The following AQP6 variants were observed in gnomAD, a reference collection of about 807,000 sequenced individuals.
The protein encoded by AQP6 is aquaporin-6.
In AQP6, 14 loss-of-function variants were observed where a neutral mutation model predicts 16.3. The ratio of observed to expected loss-of-function variants is 0.86; its 90% confidence interval spans 0.57 to 1.34. The LOEUF (loss-of-function observed/expected upper bound fraction) is 1.34, where lower values mean the gene tolerates loss of function less well. Among genes scored for constraint, AQP6 ranks in the 40% most tolerant of loss-of-function variants. The pLI is 0.00. For synonymous variants in AQP6, 178 were observed against 166.8 expected (o/e 1.07, Z -0.52); for missense variants, 331 against 379.7 (o/e 0.87, Z 1.07).
chr12:49,975,323 G>A lies in AQP6; in HGVS notation c.643-142G>A, dbSNP rs559221979. On this transcript the variant is annotated intron_variant, in intron 3 of 3. Transcript: ENST00000315520. The surrounding 1 kb of genome is among the most constrained non-coding windows in gnomAD (Gnocchi z 4.4). The stretch of plus-strand genomic sequence containing the variant: ...CTTGTGGGCTTGGGAAACACGACTC[G>A]TGGTTCTCAAATTTAGCACCTTACA... 51 of 1,445,034 alleles carry A rather than the reference G, an allele frequency of 3.5e-5. No homozygotes were observed. The highest frequency in any genetic ancestry group is 8.0e-5 in the South Asian group (5 of 62,732). 89.5% of individuals were successfully genotyped at this position (1,445,034 alleles called of 1,614,324 possible).
Position 49,973,168 on chromosome 12 carries a change from C to T in AQP6, c.-6C>T, listed in dbSNP as rs746264201. 1 of 1,594,536 alleles carries T rather than the reference C, an allele frequency of 6.3e-7. No homozygotes were observed. Among genetic ancestry groups the T allele is most frequent in the South Asian group, 1.1e-5 (1 of 87,972 alleles). ...GCAAGGCAAGGAACGGCCAAGGCAC[C>T]AGGACATGGATGCAGTGGAGCCAGG... On this transcript the variant is annotated 5_prime_UTR_variant, in exon 1 of 4. Transcript: ENST00000315520.
At position 49,973,275 on chromosome 12, in the gene AQP6, G is replaced by A. The variant is rs142310884; in HGVS notation, c.102G>A (p.Thr34=). The change falls in exon 1 of 4, where the codon ACG becomes ACA. Residue 34 remains threonine, a synonymous_variant. Transcript: ENST00000315520. ...SRALFAEFLA[T]GLYVFFGVGS... ...CGCTGTTTGCAGAGTTCCTGGCCAC[G>A]GGGCTGTATGTGTTCTTTGGCGTGG... The A allele has an allele frequency of 1.1e-4, 176 of 1,613,870 alleles. 1 individual carries two copies. Among genetic ancestry groups the A allele is most frequent in the East Asian group, 9.1e-4 (41 of 44,884 alleles).
chr12:49,973,076 A>G lies in AQP6; in HGVS notation c.-98A>G, dbSNP rs980714543. On this transcript the variant is annotated 5_prime_UTR_variant, in exon 1 of 4. Transcript: ENST00000315520. ...TCCACAGAGAGCAAAAGCCAGGGTC[A>G]GCCAGAGACAGGACACCAGAAGAGA... The G allele has an allele frequency of 4.4e-5, 64 of 1,448,404 alleles. No homozygotes were observed. In the East Asian group the frequency reaches 1.6e-3, roughly 35 times the overall value. The allele number at this position is 1,448,404 out of a possible 1,614,324, so 89.7% of individuals were successfully genotyped here. A position where few individuals can be genotyped will look rare whatever the true frequency, so the allele number is the denominator to read the frequency against.
At chr12:49,974,942 A>G (rs909200019) in intron 3 of AQP6, 116 bp downstream of exon 3, 1 of 1,476,076 alleles carries the variant, frequency 6.8e-7, no homozygotes, top group African/African-American at 1.4e-5. Context: ...GTCTTGGCTG[A>G]GACTTCCTTT....
rs143785136 is a variant in AQP6 at position 49,974,521 on chromosome 12, G to A, written c.561+39G>A. On this transcript the variant is annotated intron_variant, in intron 2 of 3. Coordinates refer to ENST00000315520, the MANE Select transcript of AQP6 (RefSeq NM_001652.4). The stretch of plus-strand genomic sequence containing the variant: ...GGGACACCGTGCACATGCACACACC[G>A]GGTCCGTCCCCGGGGAAACTGTGGA... 578 of 1,561,982 alleles carry A rather than the reference G, an allele frequency of 3.7e-4. 3 individuals are homozygous for A. The East Asian group carries it at 7.4e-3, about 20-fold the overall frequency.
rs138720998 is a variant in AQP6, at chr12:49,977,036, C to G, written c.*1365C>G. 169 of 702,358 alleles carry G rather than the reference C, an allele frequency of 2.4e-4. No individual in the cohort carries two copies. In the African/African-American group the frequency reaches 2.6e-3, roughly 11 times the overall value. The allele number at this position is 702,358 out of a possible 1,614,324, so 43.5% of individuals were successfully genotyped here. Reference sequence around the variant, plus strand: ...TCGGCTTCTCCAGCTGTAAAATGGACACACAATCCTCCTCCAGGGACTGCT... The same window carrying G: ...TCGGCTTCTCCAGCTGTAAAATGGAGACACAATCCTCCTCCAGGGACTGCT... On this transcript the variant is annotated 3_prime_UTR_variant, in exon 4 of 4. Transcript: ENST00000315520.
At chr12:49,974,725 G>A (rs1947558626) in intron 2 of AQP6, 21 bp from the exon 3 acceptor site, 1 of 1,613,770 alleles carries the variant, frequency 6.2e-7, no homozygotes, top group East Asian at 2.2e-5. Flanking sequence ...CTCCCACCCT[G>A]ACCCTGCACT....
chr12:49,974,864 A>C (rs757563992), intron 3 of AQP6, 38 bp downstream of exon 3: 6 of 1,610,692 alleles, frequency 3.7e-6, no homozygotes, highest in Non-Finnish European at 5.1e-6. Context: ...GAGGGAAGGG[A>C]GCCTGAGTTG....
Position 49,975,458 on chromosome 12 carries a change from T to G in AQP6, c.643-7T>G. 1 of 1,585,092 alleles carries G rather than the reference T, an allele frequency of 6.3e-7. No homozygotes were observed. Among genetic ancestry groups the G allele is most frequent in the Non-Finnish European group, 8.6e-7 (1 of 1,169,508 alleles). ...CCTGGGTGGGGTGACGACATCCTTC[T>G]CCTCAGGTCTTCTGGGTGGGGCCCC... On this transcript the variant is annotated splice_region_variant and splice_polypyrimidine_tract_variant and intron_variant, in intron 3 of 3. Transcript: ENST00000315520. This position sits in a 1 kb window ranked among gnomAD's most constrained non-coding sequence, Gnocchi z 4.4.
In AQP6 at chr12:49,976,824, T is replaced by A; in HGVS notation, c.*1153T>A. 1 of 596,194 alleles carries A rather than the reference T, an allele frequency of 1.7e-6. No individual in the cohort carries two copies. Among genetic ancestry groups the A allele is most frequent in the Non-Finnish European group, 3.0e-6 (1 of 336,982 alleles). 36.9% of individuals were successfully genotyped at this position (596,194 alleles called of 1,614,324 possible). A position where few individuals can be genotyped will look rare whatever the true frequency, so the allele number is the denominator to read the frequency against. ...AAAGAAGCCGTCTCCAGGCTCTCTG[T>A]CAGCATTACAGGATCCCCAGAAAGC... is the stretch of plus-strand genomic sequence containing the variant. On this transcript the variant is annotated 3_prime_UTR_variant, in exon 4 of 4. Transcript: ENST00000315520.
rs768009239 is a variant in AQP6 at position 49,973,551 on chromosome 12, C to T, written c.378C>T (p.Ile126=). ...ALLYGVMPGD[I]RETLGINVVR... ...TTTATGGGGTCATGCCGGGAGACAT[C>T]CGAGAGACCCTTGGGATCAACGTGG... Residue 126 remains isoleucine (I), a synonymous_variant, in exon 1 of 4, where the codon ATC becomes ATT. Coordinates refer to ENST00000315520, the MANE Select transcript of AQP6 (RefSeq NM_001652.4). 1.2e-5 allele frequency: 20 copies of T among 1,608,984 alleles called. No homozygotes were observed. Among genetic ancestry groups the T allele is most frequent in the Non-Finnish European group, 5.1e-6 (6 of 1,177,644 alleles).
chr12:49,975,560 G>A lies in AQP6; in HGVS notation c.738G>A (p.Leu246=), dbSNP rs200951431. The change falls in exon 4 of 4, where the codon CTG becomes CTA. Residue 246 remains leucine (L), a synonymous_variant. Coordinates refer to ENST00000315520, the MANE Select transcript of AQP6 (RefSeq NM_001652.4). The surrounding 1 kb of genome is among the most constrained non-coding windows in gnomAD (Gnocchi z 4.4). ...FPDTKTLAQR[L]AILTGTVEVG... is the part of the protein sequence containing the mutation. ...ACACCAAGACCCTGGCGCAGCGGCT[G>A]GCTATCCTCACAGGCACCGTAGAGG... 37 of 1,613,836 alleles carry A rather than the reference G, an allele frequency of 2.3e-5. No homozygotes were observed. The highest frequency in any genetic ancestry group is 3.1e-5 in the Non-Finnish European group (37 of 1,179,898).
At chr12:49,974,582 C>G in intron 2 of AQP6, 100 bp downstream of exon 2, 1 of 1,460,756 alleles carries the variant, frequency 6.8e-7, no homozygotes, top group Non-Finnish European at 9.2e-7. Context: ...CCCTGAGCCC[C>G]TCGTGCCTTG....
rs1433477110 is a variant in AQP6 at position 49,974,778 on chromosome 12, C to T, written c.594C>T (p.Ala198=). 3 of 1,614,110 alleles carry T rather than the reference C, an allele frequency of 1.9e-6. No homozygotes were observed. The African/African-American group carries it at 4.0e-5, about 22-fold the overall frequency. Residue 198 remains alanine (A), a synonymous_variant, in exon 3 of 4, where the codon GCC becomes GCT. Transcript: ENST00000315520. ...TCACTGGCTGCTCCATGAATCCAGC[C>T]CGCTCCTTCGGCCCTGCCATCATCA... is the stretch of plus-strand genomic sequence containing the variant. The part of the protein sequence containing the change: ...IHFTGCSMNP[A]RSFGPAIIIG...
At position 49,974,784 on chromosome 12, in the gene AQP6, C is replaced by T. The variant is rs556430357; in HGVS notation, c.600C>T (p.Ser200=). The part of the protein sequence containing the change: ...FTGCSMNPAR[S]FGPAIIIGKF... ...GCTGCTCCATGAATCCAGCCCGCTC[C>T]TTCGGCCCTGCCATCATCATTGGGA... The change falls in exon 3 of 4, where the codon TCC becomes TCT. Residue 200 remains serine, a synonymous_variant. Transcript: ENST00000315520. 2 of 1,614,244 alleles carry T rather than the reference C, an allele frequency of 1.2e-6. No individual in the cohort carries two copies. Among genetic ancestry groups the T allele is most frequent in the Non-Finnish European group, 1.7e-6 (2 of 1,180,034 alleles).
At chr12:49,974,929 A>T in intron 3 of AQP6, 103 bp downstream of exon 3, 1 of 1,512,612 alleles carries the variant, frequency 6.6e-7, no homozygotes. Context: ...GGCCAGGGTG[A>T]ATGTCTTGGC....
chr12:49,974,827 G>A lies in AQP6; in HGVS notation c.642+1G>A, dbSNP rs2137172062. ...CATTGGGAAGTTCACAGTCCACTGG[G>A]TGAGCCCCTCTGCTGGCAGCCCTGG... On this transcript the variant is annotated splice_donor_variant, in intron 3 of 3. Coordinates refer to ENST00000315520, the MANE Select transcript of AQP6 (RefSeq NM_001652.4). LOFTEE classifies it high-confidence loss of function. 3 of 1,614,178 alleles carry A rather than the reference G, an allele frequency of 1.9e-6. No homozygotes were observed. The highest frequency in any genetic ancestry group is 2.5e-6 in the Non-Finnish European group (3 of 1,179,996).
In AQP6 at chr12:49,977,078, G is replaced by A. The variant is rs779119965; in HGVS notation, c.*1407G>A. ...GGGACTGCTGTGAAATCAAGAAATCGGAAAATACTTTCAGAAGTTAAAATG... is the reference window on the plus strand; with the variant it reads ...GGGACTGCTGTGAAATCAAGAAATCAGAAAATACTTTCAGAAGTTAAAATG... On this transcript the variant is annotated 3_prime_UTR_variant, in exon 4 of 4. Transcript: ENST00000315520. The A allele has an allele frequency of 2.0e-5, 14 of 692,524 alleles. No homozygotes were observed. Among genetic ancestry groups the A allele is most frequent in the African/African-American group, 7.1e-5 (4 of 56,658 alleles). The allele number at this position is 692,524 out of a possible 1,614,324, so 42.9% of individuals were successfully genotyped here. A position where few individuals can be genotyped will look rare whatever the true frequency, so the allele number is the denominator to read the frequency against.
Position 49,973,432 on chromosome 12 carries a change from C to G in AQP6, c.259C>G (p.Leu87Val). The change falls in exon 1 of 4, where the codon CTG (leucine) becomes GTG (valine). Residue 87 changes from leucine to valine, a missense_variant. By Grantham distance (32) the Leu-to-Val change is conservative (BLOSUM62 1). Transcript: ENST00000315520. ...GGCCCACGCCAACCCCGCCGTGACG[C>G]TGGCCTTCCTCGTAGGCTCCCACAT... Reference protein sequence around the residue: ...SGAHANPAVTLAFLVGSHISL... With the variant: ...SGAHANPAVTVAFLVGSHISL... 5.6e-6 allele frequency: 9 copies of G among 1,613,494 alleles called. No homozygotes were observed. Among genetic ancestry groups the G allele is most frequent in the Non-Finnish European group, 7.6e-6 (9 of 1,180,044 alleles).
Sources: gnomAD v4.1 joint callset for allele counts on GRCh38, gnomAD v4.1.1 for gene constraint, Gnocchi (gnomAD v3.1) non-coding constraint, MANE v1.5 for transcripts, NCBI Gene and HGNC (gene_info 2026-07-23, HGNC 2026-07-21) for gene names.